Variants in SPOCK3 observed in about 807,000 individuals in gnomAD.
The protein encoded by SPOCK3 is testican-3.
In SPOCK3, 30 loss-of-function variants were observed where a neutral mutation model predicts 56.6. The observed-to-expected ratio is 0.53, with a 90% CI of 0.40 to 0.72. The LOEUF is 0.72. SPOCK3 is among the 30% of genes least tolerant of loss of function. The pLI, the probability that SPOCK3 is intolerant of heterozygous loss-of-function variation, is 0.00. For synonymous variants in SPOCK3, 196 were observed against 183.3 expected (o/e 1.07, Z -0.56); for missense variants, 527 against 530.0 (o/e 0.99, Z 0.06).
chr4:166,831,501 A>C (rs1746050997), intron 6 of SPOCK3, among the ~76,000 whole-genome samples: 1 of 152,096 alleles, frequency 6.6e-6, no homozygotes. Flanking sequence ...TCAAGATATG[A>C]ATTTCTTCTT....
At chr4:167,103,159 T>C (rs1759808221) in intron 2 of SPOCK3, among the ~76,000 whole-genome samples, 2 of 152,014 alleles carry the variant, frequency 1.3e-5, no homozygotes, top group South Asian at 2.1e-4. Flanking sequence ...AATTACCTGC[T>C]GACTAAAGAG....
intron 6 of SPOCK3, among the ~76,000 whole-genome samples, chr4:166,827,680 G>A (rs564153471): frequency 5.8e-4 from 88 of 152,080 alleles, no homozygotes; most frequent in Middle Eastern, 6.8e-3. Context: ...CATTCTGGCC[G>A]GCTTGACTTG....
chr4:167,164,997 TC>T (rs1765635773), intron 2 of SPOCK3, among the ~76,000 whole-genome samples: 1 of 152,160 alleles, frequency 6.6e-6, no homozygotes, highest in East Asian at 1.9e-4. Context: ...TGGTTCTAGA[TC>T]AGTGAGGAGT....
At chr4:167,188,108 A>C (rs1227563532) in intron 2 of SPOCK3, among the ~76,000 whole-genome samples, 3 of 146,928 alleles carry the variant, frequency 2.0e-5, no homozygotes, top group African/African-American at 7.8e-5. Context: ...CAGATAGTGC[A>C]AAGTAGTGGA....
chr4:166,929,720 C>T (rs1739512640), intron 4 of SPOCK3, among the ~76,000 whole-genome samples: 1 of 152,100 alleles, frequency 6.6e-6, no homozygotes, highest in Non-Finnish European at 1.5e-5. Flanking sequence ...ATACTACTCA[C>T]CTTGCTCAAC....
chr4:166,977,862 C>G (rs1254043467), intron 4 of SPOCK3, among the ~76,000 whole-genome samples: 1 of 152,130 alleles, frequency 6.6e-6, no homozygotes, highest in Non-Finnish European at 1.5e-5. Context: ...ATCAGTATAG[C>G]ATTAGATCAA....
At chr4:167,222,666 CAT>C (rs1412053780) in intron 2 of SPOCK3, among the ~76,000 whole-genome samples, 213 of 129,144 alleles carry the variant, frequency 1.6e-3, no homozygotes, top group Non-Finnish European at 2.3e-3. Flanking sequence ...AATATATAAA[CAT>C]AGATATATAT....
intron 7 of SPOCK3, among the ~76,000 whole-genome samples, chr4:166,781,370 A>G (rs1194805501): frequency 6.6e-6 from 1 of 152,076 alleles, no homozygotes; most frequent in Non-Finnish European, 1.5e-5. Flanking sequence ...AGAAACAAAT[A>G]CAATTGTTTG....
At chr4:167,154,602 A>G (rs1018258339) in intron 2 of SPOCK3, among the ~76,000 whole-genome samples, 10 of 152,206 alleles carry the variant, frequency 6.6e-5, no homozygotes, top group Non-Finnish European at 1.0e-4. Context: ...AGTTTCTTCA[A>G]CATTCATTTC....
chr4:166,817,112 T>A (rs1188851405), intron 6 of SPOCK3, among the ~76,000 whole-genome samples: 3 of 152,010 alleles, frequency 2.0e-5, no homozygotes, highest in Non-Finnish European at 4.4e-5. Flanking sequence ...CAGAGGATAA[T>A]CATTTTCTTG....
chr4:167,141,919 T>A (rs191490504), intron 2 of SPOCK3, among the ~76,000 whole-genome samples: 1 of 152,132 alleles, frequency 6.6e-6, no homozygotes, highest in Admixed American at 6.6e-5. Context: ...TCTAACTGTC[T>A]TTCAGCAAGC....
intron 4 of SPOCK3, among the ~76,000 whole-genome samples, chr4:166,955,476 TTTAA>T (rs963260110): frequency 4.1e-5 from 6 of 146,340 alleles, no homozygotes; most frequent in African/African-American, 1.5e-4. Context: ...TTATATTATA[TTTAA>T]TTATATTATA....
chr4:167,005,503 G>A (rs1749375700), intron 3 of SPOCK3, among the ~76,000 whole-genome samples: 2 of 151,924 alleles, frequency 1.3e-5, no homozygotes, highest in East Asian at 1.9e-4. Context: ...GTGAGCCACC[G>A]CGCACAGACT....
intron 5 of SPOCK3, among the ~76,000 whole-genome samples, chr4:166,889,728 A>T (rs1041138826): frequency 6.6e-6 from 1 of 151,900 alleles, no homozygotes; most frequent in Non-Finnish European, 1.5e-5. Context: ...ACAGCATCAA[A>T]TGGCCCATCT....
intron 4 of SPOCK3, among the ~76,000 whole-genome samples, chr4:166,952,604 A>T (rs545379357): frequency 1.3e-4 from 20 of 152,292 alleles, no homozygotes; most frequent in African/African-American, 4.3e-4. Flanking sequence ...ATATGGAACC[A>T]AAAAAGAGCC....
intron 4 of SPOCK3, among the ~76,000 whole-genome samples, chr4:166,964,250 T>A (rs771002195): frequency 4.6e-5 from 7 of 151,810 alleles, no homozygotes; most frequent in Non-Finnish European, 7.4e-5. Flanking sequence ...TTTCTTCCTA[T>A]CAGTATTCAT....
At chr4:166,742,082 A>G (rs1477689309) in intron 8 of SPOCK3, 23 bp from the exon 9 acceptor site, 2 of 1,565,100 alleles carry the variant, frequency 1.3e-6, no homozygotes, top group Non-Finnish European at 1.8e-6. Flanking sequence ...TAAAAATGTT[A>G]CTTCAAGGAT....
chr4:167,024,598 T>C (rs1277462538), intron 3 of SPOCK3, among the ~76,000 whole-genome samples: 4 of 152,084 alleles, frequency 2.6e-5, no homozygotes, highest in Admixed American at 6.6e-5. Context: ...AATTTCAATT[T>C]GAACAAATAC....
At position 166,792,152 on chromosome 4, in the gene SPOCK3, CA is replaced by C. The variant is rs1435283792; in HGVS notation, c.709+17del. 6.2e-7 allele frequency: 1 copy of C among 1,613,460 alleles called. No homozygotes were observed. The highest frequency in any genetic ancestry group is 8.5e-7 in the Non-Finnish European group (1 of 1,179,616). ...TCATAACAGATACAGTAGCAATGAT[CA>C]AATTTAGAAATCTTACTGCTTCTCT... On this transcript the variant is annotated intron_variant, in intron 7 of 10. Coordinates refer to ENST00000357545, the MANE Select transcript of SPOCK3 (RefSeq NM_001040159.2).
Sources: gnomAD v4.1 joint callset for allele counts (sites outside exome capture counted in the v4.1 genomes callset) on GRCh38, gnomAD v4.1.1 for gene constraint, MANE v1.5 for transcripts, NCBI Gene and HGNC (gene_info 2026-07-23, HGNC 2026-07-21) for gene names.